KCTD16: variants seen among roughly 807,000 people sequenced by gnomAD.
KCTD16 encodes potassium channel tetramerization domain containing 16.
KCTD16 carries 13 observed loss-of-function variants against 33.2 expected under a neutral mutation model. The ratio of observed to expected loss-of-function variants is 0.39; its 90% CI spans 0.25 to 0.62. The LOEUF (loss-of-function observed/expected upper bound fraction) is 0.62. Among genes scored for constraint, KCTD16 ranks in the 20% least tolerant of loss-of-function variants. KCTD16 has a pLI of 0.50. For synonymous variants in KCTD16, 197 were observed against 195.3 expected, an observed-to-expected ratio of 1.01 and a Z score of -0.07; for missense variants, 441 against 525.1, an observed-to-expected ratio of 0.84 and a Z score of 1.57.
chr5:144,222,051 C>T (rs146064214), intron 3 of KCTD16, among the ~76,000 whole-genome samples: 3,032 of 152,042 alleles, frequency 0.02, 78 homozygotes, highest in African/African-American at 0.058. Flanking sequence ...GTTTGTTGAC[C>T]GCATAAATAT....
In KCTD16 at chr5:144,429,322, G is replaced by A. The variant is rs1032157082; in HGVS notation, c.833-44338G>A. On this transcript the variant is annotated intron_variant, in intron 3 of 3. Coordinates refer to ENST00000512467, the MANE Select transcript of KCTD16 (RefSeq NM_020768.4). ...TGGCATGCCTTGCAGAATAAACAAG[G>A]CAGCTGAGTTCCCTATGGCTGCTTT... Among the ~76,000 whole-genome samples, 5 of 152,196 alleles carry A rather than the reference G, an allele frequency of 3.3e-5. No homozygotes were observed. The East Asian group carries it at 5.8e-4, about 18-fold the overall frequency.
chr5:144,235,507 T>G (rs1754227013), intron 3 of KCTD16, among the ~76,000 whole-genome samples: 1 of 152,078 alleles, frequency 6.6e-6, no homozygotes, highest in South Asian at 2.1e-4. Flanking sequence ...TTACTTAAAC[T>G]CTTGGTGCCT....
intron 3 of KCTD16, among the ~76,000 whole-genome samples, chr5:144,331,992 A>C (rs2126891878): frequency 6.6e-6 from 1 of 152,328 alleles, no homozygotes; most frequent in South Asian, 2.1e-4. Flanking sequence ...AGATGGCAGA[A>C]ATTCTTAGAA....
intron 2 of KCTD16, among the ~76,000 whole-genome samples, chr5:144,180,850 T>C (rs1284307543): frequency 6.6e-6 from 1 of 152,238 alleles, no homozygotes; most frequent in African/African-American, 2.4e-5. Flanking sequence ...TGTGATATTC[T>C]GAGGCATTCT....
intron 3 of KCTD16, among the ~76,000 whole-genome samples, chr5:144,329,067 C>T (rs950750202): frequency 3.9e-5 from 6 of 152,092 alleles, no homozygotes; most frequent in Non-Finnish European, 8.8e-5. Context: ...TCAAGGCAAA[C>T]TTATTTGAAA....
chr5:144,430,653 A>G (rs1753437105), intron 3 of KCTD16, among the ~76,000 whole-genome samples: 1 of 152,174 alleles, frequency 6.6e-6, no homozygotes. Context: ...ACTTCAAGCA[A>G]TAAGACAGGT....
chr5:144,336,872 C>A (rs1752506090), intron 3 of KCTD16, among the ~76,000 whole-genome samples: 1 of 151,934 alleles, frequency 6.6e-6, no homozygotes, highest in Non-Finnish European at 1.5e-5. Context: ...CATGAAACTA[C>A]CTGGAAGGTT....
intron 3 of KCTD16, among the ~76,000 whole-genome samples, chr5:144,434,801 G>A (rs1413151186): frequency 6.6e-6 from 1 of 152,154 alleles, no homozygotes; most frequent in East Asian, 1.9e-4. Context: ...TTTCTTTCCT[G>A]TAGCGCAAAT....
In KCTD16 at chr5:144,380,063, A is replaced by G. The variant is rs569660265; in HGVS notation, c.833-93597A>G. On this transcript the variant is annotated intron_variant, in intron 3 of 3. Transcript: ENST00000512467. ...AGATTCTATACCTAAAAAATATTCT[A>G]CACTTATGGTTCTATACCTAGAAAA... Among the ~76,000 whole-genome samples the G allele has an allele frequency of 3.3e-5, 5 of 152,230 alleles. No individual in the cohort carries two copies. The South Asian group carries it at 8.3e-4, about 25-fold the overall frequency.
intron 3 of KCTD16, among the ~76,000 whole-genome samples, chr5:144,246,130 G>A (rs192902041): frequency 2.6e-5 from 4 of 152,236 alleles, no homozygotes; most frequent in Admixed American, 2.6e-4. Flanking sequence ...TGATGTTTGG[G>A]CAGAGAGTTG....
At chr5:144,338,528 AG>A (rs1426921632) in intron 3 of KCTD16, among the ~76,000 whole-genome samples, 1 of 152,192 alleles carries the variant, frequency 6.6e-6, no homozygotes, top group African/African-American at 2.4e-5. Context: ...AAAGGAGGGC[AG>A]GGGTGATTAT....
In KCTD16 at chr5:144,175,421, C is replaced by A. The variant is rs116987197; in HGVS notation, c.-327+949C>A. Among the ~76,000 whole-genome samples, 8 of 152,166 alleles carry A rather than the reference C, an allele frequency of 5.3e-5. No homozygotes were observed. The East Asian group carries it at 9.6e-4, about 18-fold the overall frequency. ...TTAATATACTAATTTATCTAAAATG[C>A]GATTACTGAAATCCATATAAATTAA... On this transcript the variant is annotated intron_variant, in intron 2 of 3. Coordinates refer to ENST00000512467, the MANE Select transcript of KCTD16 (RefSeq NM_020768.4).
chr5:144,222,412 C>T (rs1740005469), intron 3 of KCTD16, among the ~76,000 whole-genome samples: 1 of 152,066 alleles, frequency 6.6e-6, no homozygotes, highest in Non-Finnish European at 1.5e-5. Flanking sequence ...AATCCAAGGG[C>T]CTGGAGCAGA....
At chr5:144,383,946 A>C (rs1466950411) in intron 3 of KCTD16, among the ~76,000 whole-genome samples, 1 of 152,196 alleles carries the variant, frequency 6.6e-6, no homozygotes, top group African/African-American at 2.4e-5. Context: ...TGAGTTGTAG[A>C]CATCTTTTTG....
At chr5:144,306,181 C>G (rs1751599847) in intron 3 of KCTD16, among the ~76,000 whole-genome samples, 2 of 152,178 alleles carry the variant, frequency 1.3e-5, no homozygotes, top group Admixed American at 1.3e-4. Context: ...ATAAGTGGAT[C>G]CAAGTATTGT....
chr5:144,290,266 C>G (rs1424276432), intron 3 of KCTD16, among the ~76,000 whole-genome samples: 1 of 152,130 alleles, frequency 6.6e-6, no homozygotes, highest in Non-Finnish European at 1.5e-5. Context: ...CCATTTCACT[C>G]TAGCCTGGGC....
chr5:144,394,752 T>C (rs1399125536), intron 3 of KCTD16, among the ~76,000 whole-genome samples: 1 of 152,214 alleles, frequency 6.6e-6, no homozygotes. Context: ...CCTGCCACCA[T>C]GTGAAGAAGG....
At chr5:144,382,476 C>T (rs1204227746) in intron 3 of KCTD16, among the ~76,000 whole-genome samples, 4 of 152,128 alleles carry the variant, frequency 2.6e-5, no homozygotes, top group Non-Finnish European at 4.4e-5. Flanking sequence ...CTATGCCCCT[C>T]GCCTCTGACA....
chr5:144,232,871 G>GA (rs1035675671), intron 3 of KCTD16, among the ~76,000 whole-genome samples: 8 of 152,092 alleles, frequency 5.3e-5, no homozygotes, highest in South Asian at 2.1e-4. Flanking sequence ...TAAATAAAAT[G>GA]AAAAAATGGA....
Sources: gnomAD v4.1 joint callset for allele counts (sites outside exome capture counted in the v4.1 genomes callset) on GRCh38, gnomAD v4.1.1 for gene constraint, MANE v1.5 for transcripts, NCBI Gene and HGNC (gene_info 2026-07-23, HGNC 2026-07-21) for gene names.